ME2: variants seen among roughly 807,000 people sequenced by gnomAD.
The protein encoded by ME2 is NAD-dependent malic enzyme, mitochondrial.
ME2 carries 60 observed loss-of-function variants against 73.7 expected under a neutral mutation model. The observed-to-expected ratio is 0.81, with a 90% CI of 0.66 to 1.01. ME2 has a LOEUF of 1.01. Ranked by LOEUF, ME2 falls within the 50% of genes least tolerant of loss-of-function variation. The pLI is 0.00. For synonymous variants in ME2, 199 were observed against 236.9 expected, an observed-to-expected ratio of 0.84 and a Z score of 1.47; for missense variants, 594 against 705.5, an observed-to-expected ratio of 0.84 and a Z score of 1.79.
chr18:50,889,689 C>A (rs1568158443), intron 1 of ME2, among the ~76,000 whole-genome samples: 1 of 152,182 alleles, frequency 6.6e-6, no homozygotes, highest in Non-Finnish European at 1.5e-5. Context: ...AGAATTATGA[C>A]TGACAACATT....
At chr18:50,941,934 A>T (rs1218851332) in intron 15 of ME2, among the ~76,000 whole-genome samples, 1 of 151,832 alleles carries the variant, frequency 6.6e-6, no homozygotes, top group Non-Finnish European at 1.5e-5. Context: ...GAATTAATAT[A>T]TATATATTAA....
intron 4 of ME2, among the ~76,000 whole-genome samples, chr18:50,914,051 G>A (rs1917229259): frequency 6.6e-6 from 1 of 152,030 alleles, no homozygotes; most frequent in African/African-American, 2.4e-5. Context: ...ACTTTAATGT[G>A]TGTAAGAAAT....
chr18:50,902,269 G>T (rs2144207953), intron 2 of ME2, among the ~76,000 whole-genome samples: 1 of 152,168 alleles, frequency 6.6e-6, no homozygotes, highest in East Asian at 1.9e-4. Flanking sequence ...TTCTCTGAGG[G>T]TTTTGTTAAT....
At chr18:50,882,888 G>T (rs1916358053) in intron 1 of ME2, among the ~76,000 whole-genome samples, 1 of 152,146 alleles carries the variant, frequency 6.6e-6, no homozygotes, top group Non-Finnish European at 1.5e-5. Context: ...GTCAGAGGTT[G>T]CAGTGAGCTG....
rs767856982 is a variant in ME2, at chr18:50,947,531, C to G, written c.*347C>G. The G allele has an allele frequency of 2.3e-4, 40 of 172,208 alleles. No individual in the cohort carries two copies. The highest frequency in any genetic ancestry group is 4.2e-4 in the Non-Finnish European group (34 of 81,816). 10.7% of individuals were successfully genotyped at this position (172,208 alleles called of 1,614,324 possible). ...TTACTATTATGGGTAATACTCTTCTCTGGCCTAGTTCTTACAGAGCTACTA... is the reference window on the plus strand; with the variant it reads ...TTACTATTATGGGTAATACTCTTCTGTGGCCTAGTTCTTACAGAGCTACTA... On this transcript the variant is annotated 3_prime_UTR_variant, in exon 16 of 16. Coordinates refer to ENST00000321341, the MANE Select transcript of ME2 (RefSeq NM_002396.5).
intron 1 of ME2, among the ~76,000 whole-genome samples, chr18:50,889,075 A>G (rs539915300): frequency 2.3e-4 from 35 of 152,318 alleles, no homozygotes; most frequent in African/African-American, 6.5e-4. Context: ...TATAAACTAT[A>G]TTCACCTTAC....
intron 13 of ME2, among the ~76,000 whole-genome samples, chr18:50,937,026 T>C (rs1917834553): frequency 6.6e-6 from 1 of 151,864 alleles, no homozygotes; most frequent in Non-Finnish European, 1.5e-5. Context: ...CTGTTTATGG[T>C]AAGGTAATGT....
At chr18:50,945,931 G>C (rs1918071422) in intron 15 of ME2, among the ~76,000 whole-genome samples, 1 of 152,244 alleles carries the variant, frequency 6.6e-6, no homozygotes, top group Non-Finnish European at 1.5e-5. Flanking sequence ...ACCAGGCATG[G>C]TGTTGCATGC....
At chr18:50,935,545 C>T (rs1917795610) in intron 13 of ME2, 1 of 150,388 alleles carries the variant, frequency 6.6e-6, no homozygotes, top group South Asian at 2.1e-4. Flanking sequence ...GAGTTTGAGA[C>T]CAGCCCTGGC....
intron 9 of ME2, 50 bp downstream of exon 9, chr18:50,920,808 T>G: frequency 7.3e-7 from 1 of 1,368,024 alleles, no homozygotes; most frequent in Non-Finnish European, 1.0e-6. Flanking sequence ...TCTTATAGAA[T>G]TAGAAAATGG....
intron 2 of ME2, among the ~76,000 whole-genome samples, chr18:50,896,993 C>G (rs927578916): frequency 3.9e-5 from 6 of 152,230 alleles, no homozygotes; most frequent in African/African-American, 1.4e-4. Flanking sequence ...AGATGCACCT[C>G]ATTTCAAATC....
In ME2 at chr18:50,950,166, A is replaced by G. The variant is rs886300389; in HGVS notation, c.*2982A>G. On this transcript the variant is annotated 3_prime_UTR_variant, in exon 16 of 16. Coordinates refer to ENST00000321341, the MANE Select transcript of ME2 (RefSeq NM_002396.5). ...ACAAATTGGATTACTAGCAAGGGTA[A>G]GGTTTATTGACAATGAGAAGTTTTA... 4.6e-5 allele frequency: 7 copies of G among 152,354 alleles called. No homozygotes were observed. The highest frequency in any genetic ancestry group is 3.4e-3 in the Middle Eastern group (1 of 294). The allele number at this position is 152,354 out of a possible 1,614,324, so 9.4% of individuals were successfully genotyped here.
At chr18:50,937,834 T>C (rs654136) in intron 13 of ME2, among the ~76,000 whole-genome samples, 74,749 of 151,806 alleles carry the variant, frequency 0.49, 19,013 homozygotes, top group South Asian at 0.67. Flanking sequence ...AGAGGTACAA[T>C]ATCAGAAAAT....
rs768684869 is a variant in ME2 at position 50,912,781 on chromosome 18, T to C, written c.243-20T>C. On this transcript the variant is annotated intron_variant, in intron 3 of 15. Coordinates refer to ENST00000321341, the MANE Select transcript of ME2 (RefSeq NM_002396.5). ...GTAATGCAGGCTGACTTAGACATTA[T>C]TTACTGTGCTTCATTTCAGATATAT... 1.3e-6 allele frequency: 2 copies of C among 1,537,688 alleles called. No individual in the cohort carries two copies. The highest frequency in any genetic ancestry group is 2.3e-5 in the East Asian group (1 of 43,076).
At chr18:50,915,861 T>G in intron 4 of ME2, 1 of 223,200 alleles carries the variant, frequency 4.5e-6, no homozygotes, top group Non-Finnish European at 8.7e-6. Flanking sequence ...GTGGCTTGCT[T>G]TAGATTTTTT....
Position 50,879,269 on chromosome 18 carries a change from C to T in ME2, c.-52C>T, listed in dbSNP as rs1405985441. On this transcript the variant is annotated 5_prime_UTR_variant, in exon 1 of 16. Transcript: ENST00000321341. ...CAGGGCGGGCGGCAGGGCGCGGCCT[C>T]TCCGCCGGGTGTACCACCTGTCGCG... 6.6e-6 allele frequency: 1 copy of T among 152,380 alleles called. No homozygotes were observed. Among genetic ancestry groups the T allele is most frequent in the African/African-American group, 2.4e-5 (1 of 41,448 alleles). 9.4% of individuals were successfully genotyped at this position (152,380 alleles called of 1,614,324 possible).
At chr18:50,887,307 T>C (rs1415301270) in intron 1 of ME2, among the ~76,000 whole-genome samples, 1 of 152,166 alleles carries the variant, frequency 6.6e-6, no homozygotes, top group Non-Finnish European at 1.5e-5. Flanking sequence ...AATCTCCACA[T>C]GCAGGAGTGA....
At chr18:50,910,310 A>T (rs899966480) in intron 3 of ME2, among the ~76,000 whole-genome samples, 1 of 147,970 alleles carries the variant, frequency 6.8e-6, no homozygotes, top group Non-Finnish European at 1.5e-5. Context: ...ATGGTGTCGC[A>T]TACCTATAGT....
At chr18:50,906,833 A>G (rs1917030626) in intron 2 of ME2, among the ~76,000 whole-genome samples, 1 of 152,144 alleles carries the variant, frequency 6.6e-6, no homozygotes, top group African/African-American at 2.4e-5. Flanking sequence ...TCCTTCTTGC[A>G]CAGAGCCTTA....
Sources: gnomAD v4.1 joint callset for allele counts (sites outside exome capture counted in the v4.1 genomes callset) on GRCh38, gnomAD v4.1.1 for gene constraint, MANE v1.5 for transcripts, NCBI Gene and HGNC (gene_info 2026-07-23, HGNC 2026-07-21) for gene names.